Variants in BMPR1A observed in about 807,000 individuals in gnomAD.
The protein encoded by BMPR1A is bone morphogenetic protein receptor type 1A, also known as bone morphogenetic protein receptor type-1A.
Under a neutral mutation model 66.0 loss-of-function variants are expected in BMPR1A, and 7 were observed. The observed-to-expected ratio is 0.11, with a 90% CI of 0.06 to 0.20. BMPR1A has a LOEUF of 0.20. BMPR1A is among the 10% of genes least tolerant of loss of function. The probability of loss-of-function intolerance (pLI) is 1.00; values close to 1 mark genes in which losing one functional copy is unlikely to be tolerated. For missense variants in BMPR1A, 408 were observed against 669.1 expected, an observed-to-expected ratio of 0.61 and a Z score of 4.31; for synonymous variants, 200 against 229.7, an observed-to-expected ratio of 0.87 and a Z score of 1.17.
chr10:86,819,864 A>C (rs1842096324), intron 1 of BMPR1A, among the ~76,000 whole-genome samples: 1 of 152,134 alleles, frequency 6.6e-6, no homozygotes, highest in Admixed American at 6.6e-5. Context: ...AACTTACTGC[A>C]ATACTCTTAT....
chr10:86,892,825 G>A (rs937573245), intron 5 of BMPR1A, among the ~76,000 whole-genome samples: 2 of 149,900 alleles, frequency 1.3e-5, no homozygotes, highest in Admixed American at 1.3e-4. Flanking sequence ...ATCGTTCCAC[G>A]GTACTGCAGC....
At chr10:86,782,870 T>C (rs1365343506) in intron 1 of BMPR1A, among the ~76,000 whole-genome samples, 9 of 152,208 alleles carry the variant, frequency 5.9e-5, no homozygotes, top group Admixed American at 5.9e-4. Context: ...CACAGAAGTT[T>C]GTAAGTTTGA....
At chr10:86,880,687 G>A (rs1589758891) in intron 3 of BMPR1A, among the ~76,000 whole-genome samples, 1 of 152,330 alleles carries the variant, frequency 6.6e-6, no homozygotes, top group East Asian at 1.9e-4. Flanking sequence ...CCCAGTTGTA[G>A]TATCTGATTG....
chr10:86,821,063 A>G (rs1842114208), intron 1 of BMPR1A, among the ~76,000 whole-genome samples: 1 of 152,160 alleles, frequency 6.6e-6, no homozygotes. Flanking sequence ...AAAGGATCAC[A>G]TGGTTATTTT....
chr10:86,789,432 G>C (rs996668127), intron 1 of BMPR1A, among the ~76,000 whole-genome samples: 1 of 152,076 alleles, frequency 6.6e-6, no homozygotes, highest in African/African-American at 2.4e-5. Flanking sequence ...CACATAACTG[G>C]CTGGGCGCCG....
chr10:86,837,858 C>T (rs1337973455), intron 1 of BMPR1A, among the ~76,000 whole-genome samples: 2 of 152,186 alleles, frequency 1.3e-5, no homozygotes, highest in Non-Finnish European at 2.9e-5. Context: ...TGAGCGGAGA[C>T]TCTTGTCTTT....
chr10:86,805,461 C>CTTTT (rs1332479141), intron 1 of BMPR1A, among the ~76,000 whole-genome samples: 15,164 of 108,808 alleles, frequency 0.14, 2,295 homozygotes, highest in East Asian at 0.58. Flanking sequence ...TTTCAGTTTC[C>CTTTT]TTTTTTTTTT....
intron 3 of BMPR1A, among the ~76,000 whole-genome samples, chr10:86,880,779 T>C (rs1842976145): frequency 6.6e-6 from 1 of 152,178 alleles, no homozygotes; most frequent in South Asian, 2.1e-4. Context: ...GTGATCTTGG[T>C]ATTTTGGCCA....
intron 2 of BMPR1A, among the ~76,000 whole-genome samples, chr10:86,859,125 A>T (rs1256325196): frequency 6.6e-6 from 1 of 152,216 alleles, no homozygotes; most frequent in Non-Finnish European, 1.5e-5. Flanking sequence ...CCACATATTT[A>T]TAGCCAGCTG....
downstream of BMPR1A, chr10:86,928,167 C>A (rs142578915): frequency 6.5e-6 from 1 of 154,334 alleles, no homozygotes; most frequent in African/African-American, 2.4e-5. Flanking sequence ...AAACCTATCA[C>A]GGTGCAGGGG....
At chr10:86,885,567 C>T (rs1214886023) in intron 3 of BMPR1A, among the ~76,000 whole-genome samples, 1 of 152,164 alleles carries the variant, frequency 6.6e-6, no homozygotes, top group Non-Finnish European at 1.5e-5. Flanking sequence ...TGGCTAGTGG[C>T]TACCATATGG....
intron 1 of BMPR1A, among the ~76,000 whole-genome samples, chr10:86,781,414 T>C (rs1841435435): frequency 6.6e-6 from 1 of 152,222 alleles, no homozygotes; most frequent in South Asian, 2.1e-4. Flanking sequence ...TGCTGCACCA[T>C]GCTGTTTTGG....
intron 1 of BMPR1A, among the ~76,000 whole-genome samples, chr10:86,805,580 G>A (rs1445800713): frequency 2.7e-5 from 4 of 150,036 alleles, no homozygotes; most frequent in African/African-American, 7.3e-5. Context: ...TCCTGCCTCA[G>A]CCTCCCGAGT....
At chr10:86,776,868 G>A (rs1337194228) in intron 1 of BMPR1A, among the ~76,000 whole-genome samples, 2 of 152,044 alleles carry the variant, frequency 1.3e-5, no homozygotes, top group African/African-American at 4.8e-5. Flanking sequence ...TTCCTGCAAA[G>A]TTTCCACCCT....
chr10:86,809,613 C>G (rs78633332), intron 1 of BMPR1A, among the ~76,000 whole-genome samples: 5 of 106,694 alleles, frequency 4.7e-5, no homozygotes, highest in Admixed American at 1.0e-4. Flanking sequence ...TTTTTTTTTT[C>G]TCTTTTTTCT....
At chr10:86,778,112 T>C (rs913136288) in intron 1 of BMPR1A, among the ~76,000 whole-genome samples, 2 of 152,058 alleles carry the variant, frequency 1.3e-5, no homozygotes, top group East Asian at 1.9e-4. Context: ...TTTTGATACA[T>C]ATAATGCATG....
rs767763451 is a variant in BMPR1A at position 86,923,489 on chromosome 10, C to T, written c.1456C>T (p.Arg486Trp). The change falls in exon 12 of 13, where the codon CGG becomes TGG. Residue 486 changes from arginine to tryptophan, a missense_variant. Transcript: ENST00000372037. Reference protein sequence around the residue: ...VKRLRPIVSNRWNSDECLRAV... With the variant: ...VKRLRPIVSNWWNSDECLRAV... ...ACGTTTGCGGCCAATTGTGTCTAATCGGTGGAACAGTGATGAAGTGAGTGG... is the reference window on the plus strand; with the variant it reads ...ACGTTTGCGGCCAATTGTGTCTAATTGGTGGAACAGTGATGAAGTGAGTGG... The T allele has an allele frequency of 1.1e-5, 17 of 1,614,044 alleles. No individual in the cohort carries two copies. Among genetic ancestry groups the T allele is most frequent in the Middle Eastern group, 3.3e-4 (2 of 6,084 alleles).
chr10:86,903,690 C>G (rs971936640), intron 7 of BMPR1A, among the ~76,000 whole-genome samples: 1 of 151,968 alleles, frequency 6.6e-6, no homozygotes, highest in Non-Finnish European at 1.5e-5. Flanking sequence ...CCGCTCAATG[C>G]AAGCTCCACC....
intron 1 of BMPR1A, among the ~76,000 whole-genome samples, chr10:86,823,377 A>G (rs1842146976): frequency 6.6e-6 from 1 of 152,208 alleles, no homozygotes; most frequent in Non-Finnish European, 1.5e-5. Flanking sequence ...TCCTCATTTT[A>G]CAGATTGGGT....
Sources: gnomAD v4.1 joint callset for allele counts (sites outside exome capture counted in the v4.1 genomes callset) on GRCh38, gnomAD v4.1.1 for gene constraint, MANE v1.5 for transcripts, NCBI Gene and HGNC (gene_info 2026-07-23, HGNC 2026-07-21) for gene names.